PAQR5: variants seen among roughly 807,000 people sequenced by gnomAD.
PAQR5 encodes the protein progestin and adipoQ receptor family member 5, also known as membrane progestin receptor gamma.
A neutral mutation model predicts 34.5 loss-of-function variants in PAQR5; 20 were observed. The ratio of observed to expected loss-of-function variants is 0.58; its 90% CI spans 0.41 to 0.84. PAQR5 has a LOEUF of 0.84. Among genes scored for constraint, PAQR5 ranks in the 40% least tolerant of loss-of-function variants. PAQR5 has a pLI of 0.00. For missense variants in PAQR5, 378 were observed against 412.7 expected (o/e 0.92, Z 0.73); for synonymous variants, 131 against 155.6 (o/e 0.84, Z 1.18).
chr15:69,340,791 A>C (rs1460855132), intron 2 of PAQR5, among the ~76,000 whole-genome samples: 3 of 152,064 alleles, frequency 2.0e-5, no homozygotes, highest in Non-Finnish European at 4.4e-5. Context: ...TTCCTATCTG[A>C]GGTTCTCAGA....
At chr15:69,359,204 A>C (rs749361922) in intron 2 of PAQR5, among the ~76,000 whole-genome samples, 15 of 152,050 alleles carry the variant, frequency 9.9e-5, no homozygotes, top group Non-Finnish European at 1.6e-4. Context: ...TGACCTAGTC[A>C]CCTCCCAAAA....
intron 2 of PAQR5, among the ~76,000 whole-genome samples, chr15:69,343,789 A>G (rs754691793): frequency 1.3e-5 from 2 of 152,190 alleles, no homozygotes; most frequent in Non-Finnish European, 2.9e-5. Context: ...TCTGAAGTTG[A>G]TTGAAATACA....
chr15:69,346,482 T>C (rs2054775986), intron 2 of PAQR5, among the ~76,000 whole-genome samples: 1 of 151,892 alleles, frequency 6.6e-6, no homozygotes, highest in South Asian at 2.1e-4. Context: ...ATATTTTTTG[T>C]AGGGAGGAGG....
intron 1 of PAQR5, among the ~76,000 whole-genome samples, chr15:69,334,085 T>C (rs2140686433): frequency 6.6e-6 from 1 of 152,298 alleles, no homozygotes; most frequent in Admixed American, 6.5e-5. Context: ...CTGGAGGCAG[T>C]GGCGCAGTCT....
intron 3 of PAQR5, chr15:69,379,607 G>C: frequency 1.0e-6 from 1 of 984,470 alleles, no homozygotes. Flanking sequence ...TTCATGCCAA[G>C]AGTAAGTACG....
At position 69,311,558 on chromosome 15, in the gene PAQR5, C is replaced by G. The variant is rs550702606; in HGVS notation, c.-277+12502C>G. On this transcript the variant is annotated intron_variant, in intron 1 of 8. Coordinates refer to ENST00000395407, the MANE Select transcript of PAQR5 (RefSeq NM_017705.4). The stretch of plus-strand genomic sequence containing the variant: ...CACTTCCTTATCTAACTGGGATGCA[C>G]CCTGCCAATCTTTCCCTGCCCTTAG... Among the ~76,000 whole-genome samples the G allele has an allele frequency of 2.6e-4, 39 of 152,282 alleles. No individual in the cohort carries two copies. In the South Asian group the frequency reaches 2.9e-3, roughly 11 times the overall value.
chr15:69,352,937 A>G (rs2054961011), intron 2 of PAQR5, among the ~76,000 whole-genome samples: 1 of 152,220 alleles, frequency 6.6e-6, no homozygotes, highest in Non-Finnish European at 1.5e-5. Flanking sequence ...AGCAGTCACC[A>G]AAGAGTGACC....
chr15:69,322,896 C>A (rs1424408144), intron 1 of PAQR5, among the ~76,000 whole-genome samples: 1 of 149,160 alleles, frequency 6.7e-6, no homozygotes, highest in African/African-American at 2.5e-5. Flanking sequence ...GATGTCTCAT[C>A]CAGTGCAAAT....
chr15:69,395,123 A>T (rs965511921), intron 6 of PAQR5, among the ~76,000 whole-genome samples: 21 of 152,178 alleles, frequency 1.4e-4, no homozygotes, highest in African/African-American at 5.1e-4. Flanking sequence ...AGGCGGTGGC[A>T]GGGCACAGGG....
At chr15:69,392,037 G>A (rs7183388) in intron 6 of PAQR5, 297,820 of 298,976 alleles carry the variant, frequency 1, 148,346 homozygotes, top group East Asian at 1. Flanking sequence ...AGCCCGGGCA[G>A]TGGAGCCAAG....
chr15:69,354,330 G>C (rs2055001004), intron 2 of PAQR5, among the ~76,000 whole-genome samples: 1 of 152,118 alleles, frequency 6.6e-6, no homozygotes, highest in Admixed American at 6.6e-5. Flanking sequence ...GAATATGTTT[G>C]CATGTATATA....
At position 69,300,860 on chromosome 15, in the gene PAQR5, T is replaced by C. The variant is rs370173248; in HGVS notation, c.-277+1804T>C. ...AGTTCGTTTTCTTTCTTTCTTTCTT[T>C]CTTTCTTTCTTTCTTTCTTTCTTTC... On this transcript the variant is annotated intron_variant, in intron 1 of 8. Transcript: ENST00000395407. 3.8e-3 allele frequency among the ~76,000 whole-genome samples: 58 copies of C among 15,434 alleles called. 4 individuals are homozygous for C. Among genetic ancestry groups the C allele is most frequent in the African/African-American group, 8.5e-3 (46 of 5,434 alleles). The allele number at this position is 15,434 out of a possible 152,430, so 10.1% of individuals were successfully genotyped here.
intron 1 of PAQR5, among the ~76,000 whole-genome samples, chr15:69,335,676 G>A (rs188345439): frequency 6.1e-5 from 9 of 148,298 alleles, no homozygotes; most frequent in South Asian, 4.3e-4. Context: ...TCAGCCTCCC[G>A]AGTAGCTGGG....
At chr15:69,390,838 T>C (rs1212690532) in intron 6 of PAQR5, among the ~76,000 whole-genome samples, 1 of 152,162 alleles carries the variant, frequency 6.6e-6, no homozygotes, top group South Asian at 2.1e-4. Context: ...TGTTTTTTTT[T>C]TTTTTCTTTC....
chr15:69,305,585 A>G (rs926957559), intron 1 of PAQR5, among the ~76,000 whole-genome samples: 6 of 152,022 alleles, frequency 3.9e-5, no homozygotes, highest in African/African-American at 1.4e-4. Context: ...GTGGCCTTCC[A>G]GTGCGGGGCA....
intron 1 of PAQR5, among the ~76,000 whole-genome samples, chr15:69,319,481 C>T (rs2054044849): frequency 6.6e-6 from 1 of 151,688 alleles, no homozygotes; most frequent in African/African-American, 2.4e-5. Context: ...ATGGGACTCA[C>T]CACTGGAGCC....
chr15:69,352,786 G>A (rs750207065), intron 2 of PAQR5, among the ~76,000 whole-genome samples: 44 of 152,210 alleles, frequency 2.9e-4, no homozygotes, highest in Non-Finnish European at 5.0e-4. Context: ...TTCATGGGCT[G>A]TAGCCAATGG....
chr15:69,336,424 T>C (rs1029757751), intron 1 of PAQR5, among the ~76,000 whole-genome samples: 1 of 152,208 alleles, frequency 6.6e-6, no homozygotes, highest in Admixed American at 6.5e-5. Flanking sequence ...AAATGTATTA[T>C]TGGCATATGT....
chr15:69,324,562 C>T (rs1312381126), intron 1 of PAQR5, among the ~76,000 whole-genome samples: 2 of 152,196 alleles, frequency 1.3e-5, no homozygotes, highest in Non-Finnish European at 2.9e-5. Flanking sequence ...ATTCACTCTT[C>T]AGCATTCTCC....
Sources: gnomAD v4.1 joint callset for allele counts (sites outside exome capture counted in the v4.1 genomes callset) on GRCh38, gnomAD v4.1.1 for gene constraint, MANE v1.5 for transcripts, NCBI Gene and HGNC (gene_info 2026-07-23, HGNC 2026-07-21) for gene names.